The following SMARCAD1 variants were observed in gnomAD, a reference collection of about 807,000 sequenced individuals.
SMARCAD1 encodes the protein SWI/SNF-related matrix-associated actin-dependent regulator of chromatin subfamily A containing DEAD/H box 1.
Under a neutral mutation model 127.1 loss-of-function variants are expected in SMARCAD1, and 25 were observed. That is an observed-to-expected ratio of 0.20 (90% confidence interval 0.14 to 0.27). SMARCAD1 has a LOEUF of 0.27. SMARCAD1 is among the 10% of genes least tolerant of loss of function. The pLI is 1.00. For synonymous variants in SMARCAD1, 400 were observed against 396.9 expected, an observed-to-expected ratio of 1.01 and a Z score of -0.09; for missense variants, 807 against 1,206.0, an observed-to-expected ratio of 0.67 and a Z score of 4.90.
At chr4:94,269,072 CAGAATT>C (rs1355907741) in intron 10 of SMARCAD1, among the ~76,000 whole-genome samples, 3 of 152,166 alleles carry the variant, frequency 2.0e-5, no homozygotes, top group South Asian at 2.1e-4. Context: ...TTATAAAAGG[CAGAATT>C]AGAAATACTG....
At position 94,289,895 on chromosome 4, in the gene SMARCAD1, C is replaced by G. The variant is rs1462733830; in HGVS notation, c.*361C>G. On this transcript the variant is annotated 3_prime_UTR_variant, in exon 24 of 24. Transcript: ENST00000354268. ...CCAAATATATATATATTGTCTTTCA[C>G]TGGATAATGTGTGTAGATTTTTACA... The G allele has an allele frequency of 4.4e-6, 2 of 456,978 alleles. No homozygotes were observed. The highest frequency in any genetic ancestry group is 4.7e-5 in the Admixed American group (2 of 42,118). 28.3% of individuals were successfully genotyped at this position (456,978 alleles called of 1,614,324 possible).
In SMARCAD1 at chr4:94,284,354, G is replaced by GGA. The variant is rs1553922057; in HGVS notation, c.2910-606_2910-605insGA. 7.2e-3 allele frequency among the ~76,000 whole-genome samples: 739 copies of GGA among 102,838 alleles called. 16 individuals carry two copies. The highest frequency in any genetic ancestry group is 0.036 in the Middle Eastern group (7 of 196). The allele number at this position is 102,838 out of a possible 152,430, so 67.5% of individuals were successfully genotyped here. Reference sequence around the variant, plus strand: ...AAAAAAAAAAAAAAAAAAAAAAAAAGAAAAAAGTAATTTCCATCTGAACAC... The same window carrying GGA: ...AAAAAAAAAAAAAAAAAAAAAAAAAGGAAAAAAAGTAATTTCCATCTGAACAC... On this transcript the variant is annotated intron_variant, in intron 22 of 23. Transcript: ENST00000354268.
At chr4:94,208,966 A>C (rs1430615392) in intron 2 of SMARCAD1, among the ~76,000 whole-genome samples, 1 of 151,876 alleles carries the variant, frequency 6.6e-6, no homozygotes, top group Non-Finnish European at 1.5e-5. Flanking sequence ...TTGATCATCT[A>C]CTGTGAGCTA....
chr4:94,254,588 A>G (rs933808063), intron 9 of SMARCAD1, among the ~76,000 whole-genome samples: 6 of 152,134 alleles, frequency 3.9e-5, no homozygotes, highest in Admixed American at 1.3e-4. Context: ...CTTGACATGA[A>G]TTTGGAGATT....
intron 12 of SMARCAD1, among the ~76,000 whole-genome samples, chr4:94,274,226 C>T (rs1217436094): frequency 6.6e-6 from 1 of 152,114 alleles, no homozygotes; most frequent in African/African-American, 2.4e-5. Context: ...TTTGATGCCT[C>T]ACAAAACCTC....
At chr4:94,229,023 A>G (rs1256796544) in intron 3 of SMARCAD1, among the ~76,000 whole-genome samples, 4 of 152,208 alleles carry the variant, frequency 2.6e-5, no homozygotes, top group East Asian at 3.9e-4. Context: ...TCAGTGTGTC[A>G]TATCACCTTG....
chr4:94,278,832 A>G (rs1753642011), intron 18 of SMARCAD1, 97 bp from the exon 19 acceptor site: 2 of 1,601,140 alleles, frequency 1.2e-6, no homozygotes, highest in Non-Finnish European at 1.7e-6. Flanking sequence ...TTAAAAAATT[A>G]TCTGGAATTT....
rs1437926381 is a variant in SMARCAD1 at position 94,290,648 on chromosome 4, T to G, written c.*1114T>G. ...TGAGTGACAAAGTGAAATTTAGAAG[T>G]GAAGTTGTCTATTTGATATTTAACT... is the stretch of plus-strand genomic sequence containing the variant. On this transcript the variant is annotated 3_prime_UTR_variant, in exon 24 of 24. Transcript: ENST00000354268. 2 of 453,962 alleles carry G rather than the reference T, an allele frequency of 4.4e-6. No homozygotes were observed. Among genetic ancestry groups the G allele is most frequent in the Non-Finnish European group, 8.8e-6 (2 of 226,640 alleles). 28.1% of individuals were successfully genotyped at this position (453,962 alleles called of 1,614,324 possible). A position where few individuals can be genotyped will look rare whatever the true frequency, so the allele number is the denominator to read the frequency against.
intron 9 of SMARCAD1, among the ~76,000 whole-genome samples, chr4:94,260,310 A>C (rs1010027692): frequency 5.3e-5 from 8 of 152,018 alleles, no homozygotes; most frequent in Admixed American, 5.2e-4. Flanking sequence ...TGGATCCATA[A>C]TTCATTAGCC....
intron 4 of SMARCAD1, 130 bp from the exon 5 acceptor site, chr4:94,236,822 G>T: frequency 2.7e-6 from 2 of 747,140 alleles, no homozygotes; most frequent in South Asian, 1.6e-5. Flanking sequence ...AGGACTTAAT[G>T]AACTTAAACT....
chr4:94,281,543 T>G lies in SMARCAD1; in HGVS notation c.2679T>G (p.His893Gln), dbSNP rs752800094. Residue 893 changes from histidine (H) to glutamine (Q), a missense_variant, in exon 21 of 24, where the codon CAT becomes CAG. This residue lies in a region of SMARCAD1 where 44 missense variants were observed against 119.1 expected (regional missense o/e 0.37). Transcript: ENST00000354268. ...LDILEVLLKH[H>Q]QHRYLRLDGK... ...TCTTAGAGGTTCTATTAAAACATCA[T>G]CAGCATAGGTACCTCAGATTAGATG... is the stretch of plus-strand genomic sequence containing the variant. 1.2e-6 allele frequency: 2 copies of G among 1,613,362 alleles called. No individual in the cohort carries two copies. The highest frequency in any genetic ancestry group is 4.5e-5 in the East Asian group (2 of 44,752).
intron 3 of SMARCAD1, among the ~76,000 whole-genome samples, chr4:94,233,710 T>G (rs1746204728): frequency 6.6e-6 from 1 of 152,204 alleles, no homozygotes; most frequent in South Asian, 2.1e-4. Flanking sequence ...GAAGTTCCTT[T>G]TGTTCGTTTC....
At chr4:94,260,001 A>T (rs1021016080) in intron 9 of SMARCAD1, among the ~76,000 whole-genome samples, 2 of 152,148 alleles carry the variant, frequency 1.3e-5, no homozygotes, top group African/African-American at 4.8e-5. Context: ...ATTGCTTGAT[A>T]GGTCTTTTAA....
chr4:94,253,087 A>C (rs1749523629), intron 9 of SMARCAD1, 80 bp downstream of exon 9: 1 of 1,595,158 alleles, frequency 6.3e-7, no homozygotes, highest in South Asian at 1.1e-5. Context: ...AGTTGTCTTC[A>C]GCCCAGGTAA....
chr4:94,228,296 T>A (rs1006588714), intron 3 of SMARCAD1, among the ~76,000 whole-genome samples: 1 of 152,196 alleles, frequency 6.6e-6, no homozygotes, highest in Admixed American at 6.5e-5. Flanking sequence ...TTTTCAGAAT[T>A]ACCCTTGTTA....
chr4:94,228,577 A>G lies in SMARCAD1; in HGVS notation c.368+2281A>G, dbSNP rs151333681. 4.9e-3 allele frequency among the ~76,000 whole-genome samples: 740 copies of G among 152,244 alleles called. 3 individuals carry two copies. The highest frequency in any genetic ancestry group is 0.017 in the African/African-American group (699 of 41,554). On this transcript the variant is annotated intron_variant, in intron 3 of 23. Coordinates refer to ENST00000354268, the MANE Select transcript of SMARCAD1 (RefSeq NM_020159.5). ...CAAAATACTGATTTATAAATAAGGAATATGTCTTAGAATGCAAATCAGGGT... is the reference window on the plus strand; with the variant it reads ...CAAAATACTGATTTATAAATAAGGAGTATGTCTTAGAATGCAAATCAGGGT...
chr4:94,208,500 A>G lies in SMARCAD1; in HGVS notation c.106A>G (p.Ile36Val). The change falls in exon 2 of 24, where the codon ATT becomes GTT. Residue 36 changes from isoleucine (I) to valine (V), a missense_variant. Around this residue, in one of 8 missense-constraint regions of SMARCAD1, gnomAD observed 175 missense variants for 169.5 expected, o/e 1.03. Coordinates refer to ENST00000354268, the MANE Select transcript of SMARCAD1 (RefSeq NM_020159.5). ...QPSQPGPSSP[I>V]SLSAEEENAE... ...TTCCCAGCCTGGCCCTTCTTCACCA[A>G]TTTCTCTTAGTGCTGAAGAGGAGAA... 2.5e-6 allele frequency: 4 copies of G among 1,614,060 alleles called. No individual in the cohort carries two copies. The highest frequency in any genetic ancestry group is 2.2e-5 in the South Asian group (2 of 91,066).
intron 22 of SMARCAD1, among the ~76,000 whole-genome samples, 163 bp downstream of exon 22, chr4:94,283,466 C>T (rs1010322358): frequency 1.3e-5 from 2 of 152,156 alleles, no homozygotes; most frequent in East Asian, 1.9e-4. Context: ...AACTGCACTA[C>T]GTAACCCTTC....
intron 6 of SMARCAD1, among the ~76,000 whole-genome samples, chr4:94,249,231 G>A (rs1748911439): frequency 6.6e-6 from 1 of 152,030 alleles, no homozygotes; most frequent in Non-Finnish European, 1.5e-5. Context: ...TGAAGTAAAA[G>A]TAAACTCTTC....
Sources: gnomAD v4.1 joint callset for allele counts (sites outside exome capture counted in the v4.1 genomes callset) on GRCh38, gnomAD v4.1.1 for gene constraint, gnomAD v4.1.1 regional missense constraint, MANE v1.5 for transcripts, NCBI Gene and HGNC (gene_info 2026-07-23, HGNC 2026-07-21) for gene names.